Variants in SEMA4D observed in about 807,000 individuals in gnomAD.
SEMA4D encodes semaphorin 4D.
A neutral mutation model predicts 74.8 loss-of-function variants in SEMA4D; 22 were observed. The ratio of observed to expected loss-of-function variants is 0.29; its 90% CI spans 0.21 to 0.42. The LOEUF (loss-of-function observed/expected upper bound fraction) is 0.42, where lower values mean the gene tolerates loss of function less well. Ranked by LOEUF, SEMA4D falls within the 10% of genes least tolerant of loss-of-function variation. The pLI is 1.00. For synonymous variants in SEMA4D, 445 were observed against 463.7 expected, an observed-to-expected ratio of 0.96 and a Z score of 0.52; for missense variants, 937 against 1,118.4, an observed-to-expected ratio of 0.84 and a Z score of 2.31.
At chr9:89,391,219 T>C (rs1839796650) in intron 9 of SEMA4D, 45 bp downstream of exon 9, 20 of 1,597,578 alleles carry the variant, frequency 1.3e-5, no homozygotes, top group African/African-American at 6.7e-5. Context: ...AGGCACACTA[T>C]TGCCATGGCA....
chr9:89,434,527 G>C (rs995650467), intron 2 of SEMA4D, among the ~76,000 whole-genome samples: 2 of 152,208 alleles, frequency 1.3e-5, no homozygotes, highest in South Asian at 2.1e-4. Context: ...TAAGAGAGTA[G>C]AGTGAAAGTT....
At chr9:89,447,690 G>A (rs976646320) in intron 2 of SEMA4D, among the ~76,000 whole-genome samples, 1 of 151,722 alleles carries the variant, frequency 6.6e-6, no homozygotes, top group African/African-American at 2.4e-5. Flanking sequence ...ATTTTCCCCA[G>A]AAGCCAGGGG....
chr9:89,417,559 T>C (rs1845983388), intron 2 of SEMA4D, among the ~76,000 whole-genome samples: 1 of 152,224 alleles, frequency 6.6e-6, no homozygotes, highest in Non-Finnish European at 1.5e-5. Flanking sequence ...ATTAAGCTGG[T>C]TATTTCCTTC....
At chr9:89,454,818 C>T (rs990114389) in intron 2 of SEMA4D, among the ~76,000 whole-genome samples, 8 of 152,366 alleles carry the variant, frequency 5.3e-5, no homozygotes, top group African/African-American at 1.9e-4. Flanking sequence ...ACAGCCATGC[C>T]ACAGCACTCC....
intron 2 of SEMA4D, chr9:89,450,495 G>A: frequency 7.3e-7 from 1 of 1,366,346 alleles, no homozygotes; most frequent in Non-Finnish European, 1.0e-6. Context: ...TGAGAAGGAG[G>A]GTGAATTTGT....
intron 1 of SEMA4D, among the ~76,000 whole-genome samples, chr9:89,473,441 T>C (rs1327597906): frequency 6.6e-6 from 1 of 151,356 alleles, no homozygotes; most frequent in East Asian, 2.0e-4. Context: ...AGACTAAAAA[T>C]TTAAAAACTA....
intron 11 of SEMA4D, among the ~76,000 whole-genome samples, chr9:89,388,134 C>A (rs868036584): frequency 2.0e-5 from 3 of 152,290 alleles, no homozygotes; most frequent in Middle Eastern, 3.4e-3. Context: ...GGAGCTGGTG[C>A]TGCAGTGAAC....
chr9:89,386,157 C>T, intron 13 of SEMA4D: 20 of 840,578 alleles, frequency 2.4e-5, no homozygotes, highest in Non-Finnish European at 2.9e-5. Context: ...AAAGTCCCGT[C>T]TCCCCAGGTC....
At chr9:89,456,425 C>T (rs533740024) in intron 1 of SEMA4D, among the ~76,000 whole-genome samples, 2 of 152,332 alleles carry the variant, frequency 1.3e-5, no homozygotes, top group African/African-American at 4.8e-5. Context: ...AATTTAAAAT[C>T]ACATATGAAG....
At chr9:89,400,769 C>T (rs1364799543) in intron 4 of SEMA4D, among the ~76,000 whole-genome samples, 4 of 149,668 alleles carry the variant, frequency 2.7e-5, no homozygotes, top group Admixed American at 2.7e-4. Context: ...TGATGCTTGG[C>T]GGGGGTCTCT....
chr9:89,431,967 ATC>A (rs1185237602), intron 2 of SEMA4D, among the ~76,000 whole-genome samples: 10 of 152,042 alleles, frequency 6.6e-5, no homozygotes, highest in Admixed American at 6.5e-4. Flanking sequence ...TGCTATCCTC[ATC>A]TCTCTGTGTC....
chr9:89,456,668 C>A (rs945255042), intron 1 of SEMA4D, among the ~76,000 whole-genome samples: 2 of 152,228 alleles, frequency 1.3e-5, no homozygotes, highest in Non-Finnish European at 2.9e-5. Flanking sequence ...GTAACCTCCA[C>A]CTCCCAGGTT....
intron 2 of SEMA4D, chr9:89,450,087 T>C (rs1380967003): frequency 1.6e-6 from 2 of 1,255,366 alleles, no homozygotes; most frequent in East Asian, 2.3e-5. Flanking sequence ...TGCCCACTTA[T>C]TTAACTGCAT....
chr9:89,421,570 A>C lies in SEMA4D; in HGVS notation c.-243-15871T>G, dbSNP rs138042401. Among the ~76,000 whole-genome samples the C allele has an allele frequency of 2.4e-3, 372 of 152,338 alleles. 2 individuals are homozygous for C. Among genetic ancestry groups the C allele is most frequent in the African/African-American group, 8.1e-3 (338 of 41,574 alleles). ...ATAGGTAAACTCCAAAGACACCCAG[A>C]AGTCCACCAGTGTGTGTGCGTCTAT... is the stretch of plus-strand genomic sequence containing the variant. On this transcript the variant is annotated intron_variant, in intron 2 of 15. Coordinates refer to ENST00000422704, the MANE Select transcript of SEMA4D (RefSeq NM_001371194.2).
intron 13 of SEMA4D, among the ~76,000 whole-genome samples, chr9:89,382,686 G>A (rs1391862353): frequency 2.0e-5 from 3 of 152,228 alleles, no homozygotes; most frequent in East Asian, 1.9e-4. Context: ...GGCATCGCGC[G>A]GCTTGTGGAG....
In SEMA4D at chr9:89,388,906, C is replaced by T; in HGVS notation, c.916G>A (p.Val306Met). The change falls in exon 10 of 16, where the codon GTG becomes ATG. Residue 306 changes from valine (V) to methionine (M), a missense_variant. By Grantham distance (21) the Val-to-Met change is conservative. Coordinates refer to ENST00000422704, the MANE Select transcript of SEMA4D (RefSeq NM_001371194.2). ...VFVLRSPGLK[V>M]PVFYALFTPQ... is the part of the protein sequence containing the mutation. ...GTGAAGAGTGCATAGAACACAGGCACCTTCAGGCCCGGGGACCTGAGCACG... is the reference window on the plus strand; with the variant it reads ...GTGAAGAGTGCATAGAACACAGGCATCTTCAGGCCCGGGGACCTGAGCACG... 1.2e-6 allele frequency: 2 copies of T among 1,614,128 alleles called. No homozygotes were observed.
chr9:89,462,343 A>T (rs1269804910), intron 1 of SEMA4D, among the ~76,000 whole-genome samples: 1 of 152,224 alleles, frequency 6.6e-6, no homozygotes, highest in Non-Finnish European at 1.5e-5. Context: ...TCTGTACATT[A>T]ACGTATGGCA....
At chr9:89,463,674 G>A (rs1356825775) in intron 1 of SEMA4D, among the ~76,000 whole-genome samples, 2 of 152,218 alleles carry the variant, frequency 1.3e-5, no homozygotes, top group African/African-American at 4.8e-5. Flanking sequence ...GGTGGCTCAC[G>A]CCTGTAATCC....
At chr9:89,458,604 A>C (rs1856515324) in intron 1 of SEMA4D, among the ~76,000 whole-genome samples, 1 of 152,062 alleles carries the variant, frequency 6.6e-6, no homozygotes. Context: ...ACCTATGCAC[A>C]CAGGTACACC....
Sources: allele counts gnomAD v4.1 joint callset (sites outside exome capture counted in the v4.1 genomes callset), GRCh38; gene constraint gnomAD v4.1.1; transcripts MANE v1.5; gene names NCBI Gene and HGNC (gene_info 2026-07-23, HGNC 2026-07-21).